MAST4: variants seen among roughly 807,000 people sequenced by gnomAD.
MAST4 encodes the protein microtubule-associated serine/threonine-protein kinase 4.
In MAST4, 89 loss-of-function variants were observed where a neutral mutation model predicts 162.7. The observed-to-expected ratio is 0.55, with a 90% CI of 0.46 to 0.65. The LOEUF (loss-of-function observed/expected upper bound fraction) is 0.65. Ranked by LOEUF, MAST4 falls within the 30% of genes least tolerant of loss-of-function variation. MAST4 has a pLI of 0.00. For missense variants in MAST4, 3,153 were observed against 3,374.0 expected (o/e 0.93, Z 1.62); for synonymous variants, 1,479 against 1,361.1 (o/e 1.09, Z -1.91).
intron 4 of MAST4, among the ~76,000 whole-genome samples, chr5:66,952,107 A>G (rs1446238346): frequency 6.6e-6 from 1 of 152,180 alleles, no homozygotes; most frequent in African/African-American, 2.4e-5. Context: ...CAGGTGGCAA[A>G]CTTGACACCT....
At chr5:66,769,515 C>T (rs1334283066) in intron 2 of MAST4, among the ~76,000 whole-genome samples, 2 of 152,324 alleles carry the variant, frequency 1.3e-5, no homozygotes, top group East Asian at 3.9e-4. Flanking sequence ...AGTATACTTA[C>T]ACAAACCTAC....
chr5:66,993,918 A>G (rs2150289220), intron 4 of MAST4, among the ~76,000 whole-genome samples: 1 of 14,704 alleles, frequency 6.8e-5, no homozygotes, highest in South Asian at 3.6e-3. Context: ...GGTGTGCAGA[A>G]GACCCCCCCC....
chr5:67,154,447 G>A (rs974330223), intron 26 of MAST4, among the ~76,000 whole-genome samples: 2 of 152,150 alleles, frequency 1.3e-5, no homozygotes, highest in Non-Finnish European at 2.9e-5. Context: ...GATCACTTTC[G>A]TGATTTATTT....
chr5:66,712,235 A>G (rs927908155), intron 1 of MAST4, among the ~76,000 whole-genome samples: 2 of 152,182 alleles, frequency 1.3e-5, no homozygotes, highest in African/African-American at 4.8e-5. Flanking sequence ...TCACATGGTA[A>G]ATGTAAGTTT....
At chr5:66,644,831 T>C (rs1175102926) in intron 1 of MAST4, among the ~76,000 whole-genome samples, 1 of 151,590 alleles carries the variant, frequency 6.6e-6, no homozygotes, top group Non-Finnish European at 1.5e-5. Context: ...ACTTGTCCAT[T>C]GTCATTGCCA....
intron 4 of MAST4, chr5:67,004,723 C>G (rs1353704562): frequency 3.2e-5 from 13 of 407,482 alleles, no homozygotes; most frequent in South Asian, 2.2e-4. Flanking sequence ...CCGAGCCTGA[C>G]TAGGAGAGGG....
At chr5:66,701,522 G>C (rs149234962) in intron 1 of MAST4, among the ~76,000 whole-genome samples, 2 of 152,246 alleles carry the variant, frequency 1.3e-5, no homozygotes, top group South Asian at 2.1e-4. Context: ...ATTAGGCCTT[G>C]GTTTTCTGAT....
At chr5:66,654,826 G>A (rs1746447960) in intron 1 of MAST4, among the ~76,000 whole-genome samples, 1 of 152,122 alleles carries the variant, frequency 6.6e-6, no homozygotes, top group Non-Finnish European at 1.5e-5. Flanking sequence ...GCTGGGATAT[G>A]CTTTCTGTGA....
intron 3 of MAST4, among the ~76,000 whole-genome samples, chr5:66,838,973 T>G (rs1758228184): frequency 6.6e-6 from 1 of 152,152 alleles, no homozygotes; most frequent in Non-Finnish European, 1.5e-5. Context: ...TAATGAAGAA[T>G]GCTTAGGAAG....
chr5:66,882,464 T>A (rs1415130503), intron 3 of MAST4, among the ~76,000 whole-genome samples: 6 of 152,194 alleles, frequency 3.9e-5, no homozygotes, highest in Admixed American at 3.9e-4. Context: ...TTGGGATAAT[T>A]TCTATTATTT....
At chr5:66,934,856 C>A (rs903745079) in intron 4 of MAST4, among the ~76,000 whole-genome samples, 5 of 152,058 alleles carry the variant, frequency 3.3e-5, no homozygotes, top group African/African-American at 4.8e-5. Flanking sequence ...AGGTCTCTGC[C>A]GTCAGTGGTA....
chr5:67,078,915 T>TATATATATATATA (rs1561621968), intron 5 of MAST4, among the ~76,000 whole-genome samples: 2,110 of 28,448 alleles, frequency 0.074, 111 homozygotes, highest in Middle Eastern at 0.18. Context: ...TATATAAATA[T>TATATATATATATA]ATATATATAT....
In MAST4 at chr5:67,133,545, C is replaced by G. The variant is rs747145552; in HGVS notation, c.2125C>G (p.Leu709Val). Residue 709 changes from leucine to valine, a missense_variant, in exon 17 of 29, where the codon CTG becomes GTG. Physicochemically the swap from Leu to Val is conservative, Grantham distance 32. This residue lies in a region of MAST4 where 131 missense variants were observed against 253.8 expected (regional missense o/e 0.52). Coordinates refer to ENST00000403625, the MANE Select transcript of MAST4 (RefSeq NM_001164664.2). Reference sequence around the variant, plus strand: ...GGTTACCTCCATGGGGCACATAAAGCTGACAGATTTTGGATTATCTAAGGT... The same window carrying G: ...GGTTACCTCCATGGGGCACATAAAGGTGACAGATTTTGGATTATCTAAGGT... ...LLVTSMGHIKLTDFGLSKVGL... is the reference protein window; with the variant it reads ...LLVTSMGHIKVTDFGLSKVGL... The G allele has an allele frequency of 6.2e-7, 1 of 1,613,256 alleles. No homozygotes were observed. Among genetic ancestry groups the G allele is most frequent in the African/African-American group, 1.3e-5 (1 of 74,884 alleles).
intron 7 of MAST4, among the ~76,000 whole-genome samples, chr5:67,097,595 T>C (rs1764603482): frequency 6.6e-6 from 1 of 152,152 alleles, no homozygotes; most frequent in Non-Finnish European, 1.5e-5. Context: ...CTAAATTCTG[T>C]ATGTGCCTAC....
intron 3 of MAST4, among the ~76,000 whole-genome samples, chr5:66,880,908 A>C (rs1761650108): frequency 6.6e-6 from 1 of 152,228 alleles, no homozygotes; most frequent in African/African-American, 2.4e-5. Flanking sequence ...TTGAGTACTT[A>C]GACTGGAAGG....
At chr5:66,704,014 G>A (rs936847261) in intron 1 of MAST4, among the ~76,000 whole-genome samples, 2 of 152,194 alleles carry the variant, frequency 1.3e-5, no homozygotes, top group African/African-American at 2.4e-5. Context: ...GTGATTGCCA[G>A]GGTAGAGGAA....
intron 1 of MAST4, among the ~76,000 whole-genome samples, chr5:66,603,385 T>G (rs1260270693): frequency 6.6e-6 from 1 of 152,202 alleles, no homozygotes; most frequent in Non-Finnish European, 1.5e-5. Context: ...CACCCAGAGA[T>G]TTAGTCAGAA....
At chr5:66,600,489 G>A (rs551636335) in intron 1 of MAST4, among the ~76,000 whole-genome samples, 2 of 152,240 alleles carry the variant, frequency 1.3e-5, no homozygotes, top group Non-Finnish European at 2.9e-5. Context: ...CAAACTGGCC[G>A]AGGGCAGGAA....
chr5:66,625,971 A>G (rs1405480765), intron 1 of MAST4, among the ~76,000 whole-genome samples: 1 of 152,222 alleles, frequency 6.6e-6, no homozygotes, highest in African/African-American at 2.4e-5. Context: ...AGGAAATCCT[A>G]TTTGCAACAA....
Sources: gnomAD v4.1 joint callset for allele counts (sites outside exome capture counted in the v4.1 genomes callset) on GRCh38, gnomAD v4.1.1 for gene constraint, gnomAD v4.1.1 regional missense constraint, MANE v1.5 for transcripts, NCBI Gene and HGNC (gene_info 2026-07-23, HGNC 2026-07-21) for gene names.